VIL1: variants seen among roughly 807,000 people sequenced by gnomAD.
The protein encoded by VIL1 is villin-1.
Under a neutral mutation model 104.0 loss-of-function variants are expected in VIL1, and 86 were observed. That is an observed-to-expected ratio of 0.83 (90% CI 0.69 to 0.99). The LOEUF (loss-of-function observed/expected upper bound fraction) is 0.99, where lower values mean the gene tolerates loss of function less well. Among genes scored for constraint, VIL1 ranks in the 50% least tolerant of loss-of-function variants. The pLI, the probability that VIL1 is intolerant of heterozygous loss-of-function variation, is 0.00. For missense variants in VIL1, 944 were observed against 1,054.1 expected, an observed-to-expected ratio of 0.90 and a Z score of 1.45; for synonymous variants, 394 against 412.6, an observed-to-expected ratio of 0.95 and a Z score of 0.55.
At chr2:218,449,200 C>T (rs572936372) in intron 19 of VIL1, 23 bp from the exon 20 acceptor site, 1 of 1,585,640 alleles carries the variant, frequency 6.3e-7, no homozygotes, top group Non-Finnish European at 8.7e-7. Context: ...GACCTTTGCC[C>T]TCTGGTCCCT....
chr2:218,432,784 C>T lies in VIL1; in HGVS notation c.1342-9C>T. On this transcript the variant is annotated splice_polypyrimidine_tract_variant and intron_variant, in intron 12 of 19. Coordinates refer to ENST00000248444, the MANE Select transcript of VIL1 (RefSeq NM_007127.3). ...CCAATCCCACTCACTCCCTCCTGCTCATCCCCAGGGCAGCCAGGCCAGCCA... is the reference window on the plus strand; with the variant it reads ...CCAATCCCACTCACTCCCTCCTGCTTATCCCCAGGGCAGCCAGGCCAGCCA... 1 of 1,613,910 alleles carries T rather than the reference C, an allele frequency of 6.2e-7. No homozygotes were observed. Among genetic ancestry groups the T allele is most frequent in the Non-Finnish European group, 8.5e-7 (1 of 1,179,960 alleles).
intron 19 of VIL1, among the ~76,000 whole-genome samples, chr2:218,444,934 TGACAAAGCGGAA>T (rs1256317617): frequency 3.3e-5 from 5 of 152,024 alleles, no homozygotes; most frequent in African/African-American, 1.2e-4. Context: ...CCAGCAGTCT[TGACAAAGCGGAA>T]GAGCCAGCCT....
Position 218,431,921 on chromosome 2 carries a change from G to A in VIL1, c.1167G>A (p.Gln389=). 6.2e-7 allele frequency: 1 copy of A among 1,613,976 alleles called. No homozygotes were observed. Among genetic ancestry groups the A allele is most frequent in the Non-Finnish European group, 8.5e-7 (1 of 1,180,008 alleles). The change falls in exon 11 of 20, where the codon CAG becomes CAA. Residue 389 remains glutamine, a synonymous_variant. Transcript: ENST00000248444. ...SMHVKPQVAA[Q]QKMVDDGSGE... ...ATGTCAAGCCTCAGGTGGCTGCCCA[G>A]CAGAAGATGGTAGATGATGGGAGTG...
At chr2:218,432,432 T>C (rs1394134221) in intron 12 of VIL1, 3 of 720,172 alleles carry the variant, frequency 4.2e-6, no homozygotes, top group African/African-American at 1.7e-5. Context: ...GCTCTGCCCA[T>C]GGGTTTTTGT....
At position 218,449,415 on chromosome 2, in the gene VIL1, C is replaced by A; in HGVS notation, c.*79C>A. On this transcript the variant is annotated 3_prime_UTR_variant, in exon 20 of 20. Transcript: ENST00000248444. ...TTTCTCACCGATATTAGTCCTACAC[C>A]AATTGAAGTGAAATTTTGCAGATGT... The A allele has an allele frequency of 8.2e-7, 1 of 1,222,704 alleles. No homozygotes were observed. Among genetic ancestry groups the A allele is most frequent in the Non-Finnish European group, 1.2e-6 (1 of 834,742 alleles). 75.7% of individuals were successfully genotyped at this position (1,222,704 alleles called of 1,614,324 possible).
chr2:218,435,551 CTG>C, intron 15 of VIL1, 117 bp downstream of exon 15: 1 of 1,361,168 alleles, frequency 7.3e-7, no homozygotes, highest in African/African-American at 1.5e-5. Context: ...GTGTCAGGCA[CTG>C]TGCCAGACCC....
rs1336173141 is a variant in VIL1 at position 218,453,008 on chromosome 2, C to T, written c.*3672C>T. 2.6e-5 allele frequency: 4 copies of T among 151,872 alleles called. No homozygotes were observed. Among genetic ancestry groups the T allele is most frequent in the Non-Finnish European group, 4.4e-5 (3 of 68,028 alleles). The allele number at this position is 151,872 out of a possible 1,614,324, so 9.4% of individuals were successfully genotyped here. A position where few individuals can be genotyped will look rare whatever the true frequency, so the allele number is the denominator to read the frequency against. ...TTTCCTCTGCTCTAAACTACTCTGG[C>T]GTTTTCTACCACTCTACCATTTTGG... On this transcript the variant is annotated 3_prime_UTR_variant, in exon 20 of 20. Transcript: ENST00000248444.
Position 218,420,597 on chromosome 2 carries a change from T to G in VIL1, c.-12+1429T>G, listed in dbSNP as rs533545438. Among the ~76,000 whole-genome samples, 36 of 150,494 alleles carry G rather than the reference T, an allele frequency of 2.4e-4. No individual in the cohort carries two copies. In the South Asian group the frequency reaches 4.2e-3, roughly 18 times the overall value. ...GTATTTGTTTTTTTTTTTTTTGTTT[T>G]TTTTTTGAGAAGGAGTCTCACTCTT... On this transcript the variant is annotated intron_variant, in intron 1 of 19. Transcript: ENST00000248444.
rs558288904 is a variant in VIL1 at position 218,435,454 on chromosome 2, G to A, written c.1826+20G>A. ...CAAGAGGTAACTCTCAGGTCCCTCC[G>A]CCTCCAGGTTACCAAGGTGGGGGAG... On this transcript the variant is annotated intron_variant, in intron 15 of 19. Transcript: ENST00000248444. 134 of 1,609,896 alleles carry A rather than the reference G, an allele frequency of 8.3e-5. No homozygotes were observed. The highest frequency in any genetic ancestry group is 1.1e-4 in the Non-Finnish European group (126 of 1,177,328).
intron 1 of VIL1, 33 bp from the exon 2 acceptor site, chr2:218,423,735 G>C (rs1207799417): frequency 6.2e-7 from 1 of 1,610,250 alleles, no homozygotes; most frequent in Admixed American, 1.7e-5. Flanking sequence ...TCCGAACTCA[G>C]GGTGCCCCTG....
intron 16 of VIL1, 70 bp downstream of exon 16, chr2:218,436,696 T>A (rs1689196871): frequency 4.6e-6 from 7 of 1,536,636 alleles, no homozygotes; most frequent in Non-Finnish European, 6.2e-6. Context: ...AGAGTGGCTT[T>A]AAGGTTAGGT....
At position 218,425,829 on chromosome 2, in the gene VIL1, C is replaced by T. The variant is rs1559145432; in HGVS notation, c.347+18C>T. On this transcript the variant is annotated intron_variant, in intron 4 of 19. Coordinates refer to ENST00000248444, the MANE Select transcript of VIL1 (RefSeq NM_007127.3). ...GGCCTTGTGTAGGGAGGGTGGGCTG[C>T]AGGCCGGGGGAATGAGGATGAGTGG... 1.2e-5 allele frequency: 19 copies of T among 1,591,710 alleles called. No homozygotes were observed. Among genetic ancestry groups the T allele is most frequent in the Non-Finnish European group, 1.5e-5 (18 of 1,167,662 alleles).
At position 218,431,958 on chromosome 2, in the gene VIL1, G is replaced by C. The variant is rs1434440531; in HGVS notation, c.1203+1G>C. 2 of 1,614,020 alleles carry C rather than the reference G, an allele frequency of 1.2e-6. No individual in the cohort carries two copies. Among genetic ancestry groups the C allele is most frequent in the South Asian group, 1.1e-5 (1 of 91,078 alleles). On this transcript the variant is annotated splice_donor_variant, in intron 11 of 19. Transcript: ENST00000248444. LOFTEE classifies it high-confidence loss of function. ...AGATGATGGGAGTGGGGAAGTGCAG[G>C]TATGTGAGGGCAGAGAGGCCCGTGC... is the stretch of plus-strand genomic sequence containing the variant.
intron 6 of VIL1, 86 bp from the exon 7 acceptor site, chr2:218,429,199 C>T: frequency 1.3e-6 from 2 of 1,485,666 alleles, no homozygotes; most frequent in Non-Finnish European, 1.8e-6. Flanking sequence ...TGTAGGTGGT[C>T]TGGGCTTGCC....
intron 9 of VIL1, 84 bp downstream of exon 9, chr2:218,430,031 C>T: frequency 2.4e-6 from 3 of 1,250,370 alleles, no homozygotes; most frequent in Non-Finnish European, 2.3e-6. Context: ...GGTGGGCAGG[C>T]AGGCTCAGAC....
At chr2:218,447,703 G>A (rs1689389230) in intron 19 of VIL1, among the ~76,000 whole-genome samples, 1 of 152,064 alleles carries the variant, frequency 6.6e-6, no homozygotes. Context: ...TGGATTCACT[G>A]TTTAAGTGGA....
At position 218,440,743 on chromosome 2, in the gene VIL1, G is replaced by T; in HGVS notation, c.2251G>T (p.Asp751Tyr). 1 of 1,614,124 alleles carries T rather than the reference G, an allele frequency of 6.2e-7. No homozygotes were observed. The highest frequency in any genetic ancestry group is 8.5e-7 in the Non-Finnish European group (1 of 1,180,002). ...ITAEVTSPKV[D>Y]VFNANSNLSS... Reference sequence around the variant, plus strand: ...CTAGGAGGTCACAAGCCCCAAAGTGGACGTGTTCAATGCTAACAGCAACCT... The same window carrying T: ...CTAGGAGGTCACAAGCCCCAAAGTGTACGTGTTCAATGCTAACAGCAACCT... Residue 751 changes from aspartate to tyrosine, a missense_variant, in exon 19 of 20, where the codon GAC (aspartate) becomes TAC (tyrosine). Coordinates refer to ENST00000248444, the MANE Select transcript of VIL1 (RefSeq NM_007127.3).
chr2:218,421,012 G>A (rs112530112), intron 1 of VIL1, among the ~76,000 whole-genome samples: 55 of 152,242 alleles, frequency 3.6e-4, no homozygotes, highest in African/African-American at 1.3e-3. Context: ...GTGGTCAGGG[G>A]GCCAAGAGAA....
intron 17 of VIL1, among the ~76,000 whole-genome samples, chr2:218,438,256 G>A (rs1689228326): frequency 6.6e-6 from 1 of 152,138 alleles, no homozygotes; most frequent in Admixed American, 6.5e-5. Flanking sequence ...ACTCCTCTGT[G>A]GCAGGGCTCC....
Sources: allele counts gnomAD v4.1 joint callset (sites outside exome capture counted in the v4.1 genomes callset), GRCh38; gene constraint gnomAD v4.1.1; transcripts MANE v1.5; gene names NCBI Gene and HGNC (gene_info 2026-07-23, HGNC 2026-07-21).